ACCS: variants seen among roughly 807,000 people sequenced by gnomAD.
The protein encoded by ACCS is 1-aminocyclopropane-1-carboxylate synthase-like protein 1.
In ACCS, 42 loss-of-function variants were observed where a neutral mutation model predicts 59.8. That is an observed-to-expected ratio of 0.70 (90% CI 0.55 to 0.91). The LOEUF is 0.91. ACCS is among the 40% of genes least tolerant of loss of function. ACCS has a pLI of 0.00. For missense variants in ACCS, 602 were observed against 630.4 expected (o/e 0.95, Z 0.48); for synonymous variants, 230 against 240.3 (o/e 0.96, Z 0.40).
At chr11:44,070,014 C>A (rs1952976254) in intron 2 of ACCS, among the ~76,000 whole-genome samples, 1 of 152,166 alleles carries the variant, frequency 6.6e-6, no homozygotes, top group African/African-American at 2.4e-5. Flanking sequence ...AGGGTTAGAT[C>A]ATGCTTGATG....
At chr11:44,073,625 G>A (rs765509777) in intron 4 of ACCS, 108 bp downstream of exon 4, 12 of 1,116,204 alleles carry the variant, frequency 1.1e-5, no homozygotes, top group African/African-American at 3.1e-5. Context: ...GGCATTTAGT[G>A]TGTAGAGGTC....
intron 12 of ACCS, chr11:44,082,239 A>G (rs1234963384): frequency 3.3e-5 from 5 of 152,238 alleles, no homozygotes; most frequent in Non-Finnish European, 7.3e-5. Flanking sequence ...GTTTCTTATA[A>G]AGTTAAACAT....
chr11:44,070,140 C>T (rs1236237777), intron 2 of ACCS, among the ~76,000 whole-genome samples: 1 of 152,030 alleles, frequency 6.6e-6, no homozygotes, highest in African/African-American at 2.4e-5. Context: ...CTGTAGGGCC[C>T]CACAGGACCT....
At chr11:44,073,362 C>G (rs1953153451) in intron 3 of ACCS, 85 bp from the exon 4 acceptor site, 1 of 1,110,290 alleles carries the variant, frequency 9.0e-7, no homozygotes, top group East Asian at 2.5e-5. Context: ...ATGAGCAGAA[C>G]AAGCGTTCAG....
Position 44,067,721 on chromosome 11 carries a change from C to G in ACCS, c.94C>G (p.Leu32Val), listed in dbSNP as rs946560129. 4 of 1,614,238 alleles carry G rather than the reference C, an allele frequency of 2.5e-6. No individual in the cohort carries two copies. Among genetic ancestry groups the G allele is most frequent in the Admixed American group, 1.7e-5 (1 of 60,036 alleles). ...CCTGGGCAGTAGCCATGGGGAAGAT[C>G]TGGAAGGAGAATGCTCCAGAAAACT... is the stretch of plus-strand genomic sequence containing the variant. ...QDLGSSHGEDLEGECSRKLDQ... is the reference protein window; with the variant it reads ...QDLGSSHGEDVEGECSRKLDQ... Residue 32 changes from leucine to valine, a missense_variant, in exon 2 of 15, where the codon CTG becomes GTG. Coordinates refer to ENST00000263776, the MANE Select transcript of ACCS (RefSeq NM_032592.4).
At chr11:44,079,689 C>G in intron 10 of ACCS, 69 bp downstream of exon 10, 1 of 1,451,534 alleles carries the variant, frequency 6.9e-7, no homozygotes, top group Non-Finnish European at 9.5e-7. Context: ...CACTTTCTGG[C>G]TCAGCCCACA....
In ACCS at chr11:44,081,044, T is replaced by C. The variant is rs767231672; in HGVS notation, c.948T>C (p.His316=). The C allele has an allele frequency of 9.9e-6, 16 of 1,614,086 alleles. No individual in the cohort carries two copies. The highest frequency in any genetic ancestry group is 1.4e-5 in the Non-Finnish European group (16 of 1,179,994). The change falls in exon 11 of 15, where the codon CAT becomes CAC. Residue 316 remains histidine, a synonymous_variant. Coordinates refer to ENST00000263776, the MANE Select transcript of ACCS (RefSeq NM_032592.4). ...LERLPDPQRT[H]VMWATSKDFG... ...GGCTCCCTGACCCCCAGAGGACCCA[T>C]GTGATGTGGGCAACCAGCAAGGTGA...
At chr11:44,071,876 A>G (rs1953066157) in intron 3 of ACCS, among the ~76,000 whole-genome samples, 1 of 152,230 alleles carries the variant, frequency 6.6e-6, no homozygotes, top group African/African-American at 2.4e-5. Flanking sequence ...TTTGTTTGTA[A>G]GATAATGTAT....
At chr11:44,071,512 T>C in intron 3 of ACCS, 197 bp downstream of exon 3, 1 of 581,356 alleles carries the variant, frequency 1.7e-6, no homozygotes, top group South Asian at 2.3e-5. Context: ...GTCCTATTTC[T>C]TCATCTCTGT....
At position 44,079,602 on chromosome 11, in the gene ACCS, G is replaced by A. The variant is rs1257407097; in HGVS notation, c.905G>A (p.Ser302Asn). 7 of 1,610,852 alleles carry A rather than the reference G, an allele frequency of 4.3e-6. No individual in the cohort carries two copies. Among genetic ancestry groups the A allele is most frequent in the Middle Eastern group, 1.7e-4 (1 of 5,772 alleles). ...SVFEKSVGYR[S>N]VLSLERLPDP... The stretch of plus-strand genomic sequence containing the variant: ...TTTGAGAAGTCTGTTGGGTACCGCA[G>A]TGTCCTAAGCCTGGAAAGGTGAGGC... Residue 302 changes from serine (S) to asparagine (N), a missense_variant, in exon 10 of 15, where the codon AGT becomes AAT. Transcript: ENST00000263776.
rs1217211608 is a variant in ACCS at position 44,083,831 on chromosome 11, C to T, written c.*39C>T. On this transcript the variant is annotated 3_prime_UTR_variant, in exon 15 of 15. Transcript: ENST00000263776. Reference sequence around the variant, plus strand: ...TCGTGGCCAGAGGGCCCAGCAGCCACTGTGGACCTGGGGCGTTCTGGGGCT... The same window carrying T: ...TCGTGGCCAGAGGGCCCAGCAGCCATTGTGGACCTGGGGCGTTCTGGGGCT... The T allele has an allele frequency of 6.4e-7, 1 of 1,562,458 alleles. No individual in the cohort carries two copies. The highest frequency in any genetic ancestry group is 8.7e-7 in the Non-Finnish European group (1 of 1,153,520).
chr11:44,078,007 C>T, intron 8 of ACCS, 85 bp downstream of exon 8: 2 of 1,489,548 alleles, frequency 1.3e-6, no homozygotes, highest in Non-Finnish European at 1.8e-6. Context: ...TGATCTCCTC[C>T]CGGGAGTAGG....
At chr11:44,069,565 G>A (rs1295458316) in intron 2 of ACCS, among the ~76,000 whole-genome samples, 1 of 152,218 alleles carries the variant, frequency 6.6e-6, no homozygotes, top group Admixed American at 6.5e-5. Flanking sequence ...AAGATCTTTT[G>A]TGAAGGTGCC....
In ACCS at chr11:44,079,558, G is replaced by C; in HGVS notation, c.861G>C (p.Glu287Asp). The C allele has an allele frequency of 6.2e-7, 1 of 1,612,042 alleles. No homozygotes were observed. The highest frequency in any genetic ancestry group is 8.5e-7 in the Non-Finnish European group (1 of 1,179,488). Residue 287 changes from glutamate (E) to aspartate (D), a missense_variant, in exon 10 of 15, where the codon GAG (glutamate) becomes GAC (aspartate). Physicochemically the swap from Glu to Asp is conservative, Grantham distance 45. Coordinates refer to ENST00000263776, the MANE Select transcript of ACCS (RefSeq NM_032592.4). ...ACAGGCTGCATGTGATTGTGGATGA[G>C]GTCTACATGCTGTCCGTGTTTGAGA... ...KRHRLHVIVD[E>D]VYMLSVFEKS...
intron 7 of ACCS, 64 bp from the exon 8 acceptor site, chr11:44,077,781 A>T: frequency 6.3e-7 from 1 of 1,585,868 alleles, no homozygotes; most frequent in East Asian, 2.2e-5. Flanking sequence ...CTGAGAGTTC[A>T]TATGTATTTT....
At chr11:44,070,581 C>T (rs1427648327) in intron 2 of ACCS, among the ~76,000 whole-genome samples, 2 of 152,120 alleles carry the variant, frequency 1.3e-5, no homozygotes, top group Non-Finnish European at 2.9e-5. Context: ...GTTAGCTGTG[C>T]GTGAGGCCTG....
chr11:44,073,204 C>A, intron 3 of ACCS: 3 of 537,058 alleles, frequency 5.6e-6, no homozygotes, highest in Non-Finnish European at 6.8e-6. Context: ...GACTAGGAGT[C>A]AAAAATTTTG....
rs777864749 is a variant in ACCS at position 44,075,567 on chromosome 11, G to T, written c.531G>T (p.Leu177=). Residue 177 remains leucine (L), a synonymous_variant, in exon 6 of 15, where the codon CTG becomes CTT. Transcript: ENST00000263776. ...LNGGASLFSA[L]ATVLCEAGEA... Reference sequence around the variant, plus strand: ...GTGGTGCCTCGCTCTTCTCTGCTCTGGCCACGGTGCTGTGTGAGGCCGGGG... The same window carrying T: ...GTGGTGCCTCGCTCTTCTCTGCTCTTGCCACGGTGCTGTGTGAGGCCGGGG... 1.5e-5 allele frequency: 25 copies of T among 1,614,028 alleles called. No individual in the cohort carries two copies. The highest frequency in any genetic ancestry group is 2.0e-5 in the Non-Finnish European group (24 of 1,180,044).
chr11:44,083,262 CCTT>C lies in ACCS; in HGVS notation c.1209_1211del (p.Phe403del), dbSNP rs1953720421. Reference sequence around the variant, plus strand: ...GAAGAGCTTAGGGCATTGGGGATCCCCTTCTTGAGTCGTGGGGCTGGCTTCTTC... The same window carrying C: ...GAAGAGCTTAGGGCATTGGGGATCCCCTTGAGTCGTGGGGCTGGCTTCTTC... On this transcript the variant is annotated inframe_deletion, in exon 13 of 15. Transcript: ENST00000263776. The C allele has an allele frequency of 1.9e-6, 3 of 1,614,052 alleles. No homozygotes were observed. Among genetic ancestry groups the C allele is most frequent in the Admixed American group, 3.3e-5 (2 of 60,002 alleles).
Sources: gnomAD v4.1 joint callset for allele counts (sites outside exome capture counted in the v4.1 genomes callset) on GRCh38, gnomAD v4.1.1 for gene constraint, MANE v1.5 for transcripts, NCBI Gene and HGNC (gene_info 2026-07-23, HGNC 2026-07-21) for gene names.